The following R3HDM2 variants were observed in gnomAD, a reference collection of about 807,000 sequenced individuals.
R3HDM2 encodes R3H domain containing 2.
R3HDM2 carries 38 observed loss-of-function variants against 124.5 expected under a neutral mutation model. The observed-to-expected ratio is 0.31, with a 90% CI of 0.24 to 0.40. R3HDM2 has a LOEUF of 0.40. Among genes scored for constraint, R3HDM2 ranks in the 10% least tolerant of loss-of-function variants. R3HDM2 has a pLI of 1.00. For synonymous variants in R3HDM2, 391 were observed against 448.0 expected (o/e 0.87, Z 1.61); for missense variants, 869 against 1,236.9 (o/e 0.70, Z 4.46).
intron 13 of R3HDM2, among the ~76,000 whole-genome samples, chr12:57,282,016 C>A (rs1268624820): frequency 6.6e-6 from 1 of 152,046 alleles, no homozygotes; most frequent in Admixed American, 6.6e-5. Flanking sequence ...ATGCCATATT[C>A]AAGAAATGGT....
At chr12:57,430,489 G>GGCCCCCCCCC in intron 1 of R3HDM2, 3 of 790,576 alleles carry the variant, frequency 3.8e-6, no homozygotes, top group Non-Finnish European at 4.6e-6. Flanking sequence ...CCACCCCCCT[G>GGCCCCCCCCC]CCCCCGCACC....
chr12:57,279,372 C>T (rs1463372026), intron 14 of R3HDM2, among the ~76,000 whole-genome samples: 1 of 150,618 alleles, frequency 6.6e-6, no homozygotes, highest in African/African-American at 2.4e-5. Flanking sequence ...TAGTAGGGAC[C>T]GGGTTTCACC....
chr12:57,372,545 C>A (rs367543495), intron 2 of R3HDM2, among the ~76,000 whole-genome samples: 25 of 152,200 alleles, frequency 1.6e-4, no homozygotes, highest in African/African-American at 5.8e-4. Context: ...CCTCAAAAAT[C>A]AAATATTTTT....
intron 14 of R3HDM2, among the ~76,000 whole-genome samples, chr12:57,278,419 T>C (rs1049172694): frequency 6.6e-6 from 1 of 151,934 alleles, no homozygotes; most frequent in Non-Finnish European, 1.5e-5. Flanking sequence ...TATGAGATTA[T>C]AGGTGGAAGA....
intron 2 of R3HDM2, among the ~76,000 whole-genome samples, chr12:57,373,655 C>G (rs529600280): frequency 1.3e-4 from 19 of 151,386 alleles, no homozygotes; most frequent in African/African-American, 4.6e-4. Flanking sequence ...ACTAAAAATA[C>G]AAACTTAGCG....
chr12:57,427,153 T>C (rs1439997976), intron 1 of R3HDM2, among the ~76,000 whole-genome samples: 1 of 151,668 alleles, frequency 6.6e-6, no homozygotes, highest in African/African-American at 2.4e-5. Context: ...TAGTTGGACG[T>C]GGTGGCGCGT....
In R3HDM2 at chr12:57,282,721, G is replaced by A. The variant is rs142235261; in HGVS notation, c.1171+1103C>T. Among the ~76,000 whole-genome samples the A allele has an allele frequency of 7.6e-4, 116 of 152,210 alleles. 2 individuals are homozygous for A. The South Asian group carries it at 0.019, about 25-fold the overall frequency. ...ATGGAGTAGAGATATCAGTTTGGGC[G>A]CCAGTGTCATAATTACATAAAAGAA... On this transcript the variant is annotated intron_variant, in intron 13 of 23. Coordinates refer to ENST00000402412, the MANE Select transcript of R3HDM2 (RefSeq NM_001394031.1).
At chr12:57,297,847 ATTTC>A (rs2050221229) in intron 7 of R3HDM2, 1 of 530,578 alleles carries the variant, frequency 1.9e-6, no homozygotes, top group Admixed American at 3.3e-5. Flanking sequence ...AAGACTTCAT[ATTTC>A]TTTGTTTCTG....
intron 19 of R3HDM2, among the ~76,000 whole-genome samples, chr12:57,261,404 G>A (rs999419289): frequency 2.6e-5 from 4 of 152,162 alleles, no homozygotes; most frequent in East Asian, 3.8e-4. Flanking sequence ...GGTGGAGAAG[G>A]GGGTGAGTGT....
chr12:57,306,214 G>C (rs182808423), intron 3 of R3HDM2, among the ~76,000 whole-genome samples: 13 of 152,344 alleles, frequency 8.5e-5, no homozygotes, highest in Admixed American at 8.5e-4. Flanking sequence ...TGACAGGCAA[G>C]AGACTAGGTC....
At chr12:57,422,313 C>T (rs1447228165) in intron 1 of R3HDM2, among the ~76,000 whole-genome samples, 1 of 152,032 alleles carries the variant, frequency 6.6e-6, no homozygotes, top group Non-Finnish European at 1.5e-5. Flanking sequence ...AAAACTCGAA[C>T]TTTTTAGCCT....
chr12:57,430,487 C>CA, intron 1 of R3HDM2: 62 of 913,512 alleles, frequency 6.8e-5, no homozygotes, highest in South Asian at 1.0e-4. Flanking sequence ...CGCCACCCCC[C>CA]TGCCCCCGCA....
chr12:57,289,473 T>C (rs537812680), intron 11 of R3HDM2, among the ~76,000 whole-genome samples: 33 of 152,348 alleles, frequency 2.2e-4, no homozygotes, highest in African/African-American at 7.7e-4. Flanking sequence ...CCTCAATGGC[T>C]TTTCCATTTC....
intron 20 of R3HDM2, 78 bp downstream of exon 20, chr12:57,258,812 T>G: frequency 7.6e-7 from 1 of 1,307,366 alleles, no homozygotes; most frequent in South Asian, 2.0e-5. Flanking sequence ...AAGAGGCTGC[T>G]CAGTCAATAG....
At position 57,389,946 on chromosome 12, in the gene R3HDM2, T is replaced by C. The variant is rs1323644691; in HGVS notation, c.-36+5803A>G. ...ATTGATTTGCAATTTTCTGGAATTATGTGGGCTTCAAGAGACACTGAACAA... is the reference window on the plus strand; with the variant it reads ...ATTGATTTGCAATTTTCTGGAATTACGTGGGCTTCAAGAGACACTGAACAA... On this transcript the variant is annotated intron_variant, in intron 2 of 23. Transcript: ENST00000402412. 5.9e-5 allele frequency among the ~76,000 whole-genome samples: 9 copies of C among 152,182 alleles called. No individual in the cohort carries two copies. In the East Asian group the frequency reaches 1.5e-3, roughly 26 times the overall value.
intron 3 of R3HDM2, among the ~76,000 whole-genome samples, chr12:57,305,404 C>A (rs2052353582): frequency 6.6e-6 from 1 of 152,010 alleles, no homozygotes; most frequent in Non-Finnish European, 1.5e-5. Context: ...ATGACCATAT[C>A]ATTGAATATA....
intron 14 of R3HDM2, chr12:57,272,600 A>T: frequency 8.9e-6 from 1 of 112,214 alleles, no homozygotes; most frequent in Non-Finnish European, 1.2e-5. Context: ...GAGAAAAGAG[A>T]GGTGGGAAGC....
chr12:57,292,829 A>C (rs1172626547), intron 10 of R3HDM2, among the ~76,000 whole-genome samples, 162 bp from the exon 11 acceptor site: 1 of 152,172 alleles, frequency 6.6e-6, no homozygotes, highest in African/African-American at 2.4e-5. Flanking sequence ...CACTGGGTAC[A>C]TCTGACCATG....
At chr12:57,340,045 A>G (rs1450862457) in intron 2 of R3HDM2, among the ~76,000 whole-genome samples, 4 of 152,224 alleles carry the variant, frequency 2.6e-5, no homozygotes. Context: ...CTTGATGGTT[A>G]GAAAATAAAA....
Sources: allele counts gnomAD v4.1 joint callset (sites outside exome capture counted in the v4.1 genomes callset), GRCh38; gene constraint gnomAD v4.1.1; transcripts MANE v1.5; gene names NCBI Gene and HGNC (gene_info 2026-07-23, HGNC 2026-07-21).